SPAG16: variants seen among roughly 807,000 people sequenced by gnomAD.
The protein encoded by SPAG16 is sperm-associated antigen 16 protein.
SPAG16 carries 86 observed loss-of-function variants against 80.4 expected under a neutral mutation model. The ratio of observed to expected loss-of-function variants is 1.07; its 90% CI spans 0.90 to 1.28. SPAG16 has a LOEUF of 1.28. SPAG16 is among the 50% of genes most tolerant of loss of function. The pLI is 0.00. For synonymous variants in SPAG16, 294 were observed against 265.9 expected (o/e 1.11, Z -1.03); for missense variants, 870 against 765.3 (o/e 1.14, Z -1.61).
chr2:214,195,106 A>G (rs1367126783), intron 15 of SPAG16, among the ~76,000 whole-genome samples: 4 of 152,104 alleles, frequency 2.6e-5, no homozygotes, highest in Non-Finnish European at 4.4e-5. Context: ...AGAAAGTGCT[A>G]TTTAATATGA....
At chr2:214,153,007 G>A (rs1444298996) in intron 15 of SPAG16, among the ~76,000 whole-genome samples, 1 of 152,106 alleles carries the variant, frequency 6.6e-6, no homozygotes, top group African/African-American at 2.4e-5. Context: ...GAGATGGTTA[G>A]GCCTCCGGAT....
At chr2:213,931,888 A>G (rs576474883) in intron 12 of SPAG16, among the ~76,000 whole-genome samples, 1 of 152,192 alleles carries the variant, frequency 6.6e-6, no homozygotes, top group African/African-American at 2.4e-5. Context: ...ATAAGTATTG[A>G]CAAATAAAGT....
chr2:213,647,829 A>G (rs192920014), intron 10 of SPAG16, among the ~76,000 whole-genome samples: 2 of 152,248 alleles, frequency 1.3e-5, no homozygotes, highest in Admixed American at 6.5e-5. Context: ...ACATACCTCA[A>G]ATATTTTTTA....
At chr2:214,194,222 A>G (rs2057759635) in intron 15 of SPAG16, among the ~76,000 whole-genome samples, 1 of 152,088 alleles carries the variant, frequency 6.6e-6, no homozygotes. Context: ...AATTCACTTC[A>G]GTCTTGATTA....
intron 5 of SPAG16, among the ~76,000 whole-genome samples, chr2:213,331,446 A>C (rs532625997): frequency 5.3e-5 from 8 of 152,344 alleles, no homozygotes; most frequent in East Asian, 3.9e-4. Flanking sequence ...ATATAAAGCA[A>C]ATATTATTAG....
At chr2:214,270,005 T>C (rs2125890229) in intron 15 of SPAG16, among the ~76,000 whole-genome samples, 1 of 152,282 alleles carries the variant, frequency 6.6e-6, no homozygotes, top group African/African-American at 2.4e-5. Flanking sequence ...TCTTTTGACT[T>C]TTAGGTCCGT....
At chr2:213,986,891 C>CAAAAAAAAAAAAA (rs369965944) in intron 12 of SPAG16, among the ~76,000 whole-genome samples, 3 of 57,648 alleles carry the variant, frequency 5.2e-5, no homozygotes, top group East Asian at 7.9e-4. Flanking sequence ...TCTGGTATAG[C>CAAAAAAAAAAAAA]AAAAAAAAAA....
intron 9 of SPAG16, among the ~76,000 whole-genome samples, chr2:213,477,821 T>C (rs974580069): frequency 6.6e-6 from 1 of 152,074 alleles, no homozygotes; most frequent in African/African-American, 2.4e-5. Flanking sequence ...GTATCATTGG[T>C]TTTGAAATAT....
intron 15 of SPAG16, among the ~76,000 whole-genome samples, chr2:214,268,744 GGT>G (rs56365941): frequency 1.0e-4 from 15 of 150,112 alleles, no homozygotes; most frequent in South Asian, 4.2e-4. Context: ...GCATCTGAAG[GGT>G]GTGTGTGTGT....
At chr2:213,925,558 G>T (rs1420027810) in intron 11 of SPAG16, among the ~76,000 whole-genome samples, 1 of 152,072 alleles carries the variant, frequency 6.6e-6, no homozygotes, top group Non-Finnish European at 1.5e-5. Context: ...CACCATGTTG[G>T]CCAGGCTGGT....
intron 10 of SPAG16, among the ~76,000 whole-genome samples, chr2:213,651,567 AG>A (rs1447947320): frequency 1.3e-5 from 2 of 152,132 alleles, no homozygotes; most frequent in African/African-American, 4.8e-5. Flanking sequence ...TAACAACAAA[AG>A]CTCTCTTGAC....
intron 11 of SPAG16, among the ~76,000 whole-genome samples, chr2:213,887,332 T>C (rs1048500660): frequency 2.6e-5 from 4 of 152,040 alleles, no homozygotes; most frequent in African/African-American, 9.7e-5. Flanking sequence ...TCCTCCATTG[T>C]TTTTTCGTTT....
In SPAG16 at chr2:214,241,906, T is replaced by C. The variant is rs536057932; in HGVS notation, c.1720+92640T>C. Among the ~76,000 whole-genome samples the C allele has an allele frequency of 5.9e-5, 9 of 152,126 alleles. No individual in the cohort carries two copies. In the East Asian group the frequency reaches 1.5e-3, roughly 26 times the overall value. ...AAGTTGTATAAAAAAAAAAAAATTC[T>C]GATGGTCAGAGTCTGCTAATAGTAT... On this transcript the variant is annotated intron_variant, in intron 15 of 15. Transcript: ENST00000331683.
At chr2:214,150,156 G>C (rs1446399980) in intron 15 of SPAG16, among the ~76,000 whole-genome samples, 2 of 152,052 alleles carry the variant, frequency 1.3e-5, no homozygotes, top group Non-Finnish European at 1.5e-5. Flanking sequence ...ATTGTTTTAA[G>C]ATAGTCCACG....
intron 12 of SPAG16, among the ~76,000 whole-genome samples, chr2:213,934,152 C>G (rs370855037): frequency 2.6e-5 from 4 of 152,198 alleles, no homozygotes; most frequent in East Asian, 3.9e-4. Context: ...ATGGTCCAAT[C>G]AAGGAACTTT....
At chr2:213,369,624 A>G (rs1165018345) in intron 8 of SPAG16, among the ~76,000 whole-genome samples, 1 of 152,144 alleles carries the variant, frequency 6.6e-6, no homozygotes, top group African/African-American at 2.4e-5. Context: ...GAAGGCACAG[A>G]CAGTATTCTC....
chr2:213,739,628 G>C (rs974827182), intron 10 of SPAG16, among the ~76,000 whole-genome samples: 3 of 152,134 alleles, frequency 2.0e-5, no homozygotes, highest in Admixed American at 2.0e-4. Flanking sequence ...CTGAGACGGA[G>C]TCTTGCTTTG....
chr2:214,162,447 G>A (rs2125606290), intron 15 of SPAG16, among the ~76,000 whole-genome samples: 1 of 152,184 alleles, frequency 6.6e-6, no homozygotes, highest in African/African-American at 2.4e-5. Context: ...GTAATAGGTG[G>A]AGATTTTTAA....
At chr2:213,796,740 C>A (rs953777942) in intron 10 of SPAG16, among the ~76,000 whole-genome samples, 1 of 152,010 alleles carries the variant, frequency 6.6e-6, no homozygotes, top group Non-Finnish European at 1.5e-5. Flanking sequence ...ATGTACAATA[C>A]ATAATACTTG....
Sources: allele counts gnomAD v4.1 joint callset (sites outside exome capture counted in the v4.1 genomes callset), GRCh38; gene constraint gnomAD v4.1.1; transcripts MANE v1.5; gene names NCBI Gene and HGNC (gene_info 2026-07-23, HGNC 2026-07-21).